SLC4A3: variants seen among roughly 807,000 people sequenced by gnomAD.
SLC4A3 encodes the protein anion exchange protein 3.
A neutral mutation model predicts 114.2 loss-of-function variants in SLC4A3; 47 were observed. The observed-to-expected ratio is 0.41, with a 90% CI of 0.33 to 0.52. The LOEUF is 0.52. Among genes scored for constraint, SLC4A3 ranks in the 20% least tolerant of loss-of-function variants. The probability of loss-of-function intolerance (pLI) is 0.21; values close to 1 mark genes in which losing one functional copy is unlikely to be tolerated. For synonymous variants in SLC4A3, 693 were observed against 710.3 expected (o/e 0.98, Z 0.39); for missense variants, 1,312 against 1,668.3 (o/e 0.79, Z 3.72).
Position 219,639,818 on chromosome 2 carries a change from A to G in SLC4A3, c.3277+83A>G. The G allele has an allele frequency of 5.9e-6, 9 of 1,531,214 alleles. No homozygotes were observed. The highest frequency in any genetic ancestry group is 7.9e-6 in the Non-Finnish European group (9 of 1,136,246). The allele number at this position is 1,531,214 out of a possible 1,614,324, so 94.9% of individuals were successfully genotyped here. A position where few individuals can be genotyped will look rare whatever the true frequency, so the allele number is the denominator to read the frequency against. ...TTCACTATCCCAGGCTTGACCCTGA[A>G]TCTCCCAATGTGCTGTGTGTTGCCC... On this transcript the variant is annotated intron_variant, in intron 20 of 22. Coordinates refer to ENST00000358055, the MANE Select transcript of SLC4A3 (RefSeq NM_005070.4). The surrounding 1 kb of genome is among the most constrained non-coding windows in gnomAD (Gnocchi z 5.9).
rs200923264 is a variant in SLC4A3, at chr2:219,629,320, G to A, written c.394G>A (p.Ala132Thr). 2.2e-5 allele frequency: 36 copies of A among 1,613,146 alleles called. No individual in the cohort carries two copies. In the East Asian group the frequency reaches 5.3e-4, roughly 24 times the overall value. Residue 132 changes from alanine (A) to threonine (T), a missense_variant, in exon 4 of 23, where the codon GCT (alanine) becomes ACT (threonine). Transcript: ENST00000358055. ...CCCTCCCATCCAGGAGGAGGGGGGA[G>A]CTGGAGTGGATGAGGAAGAGGAGGA... Reference protein sequence around the residue: ...GTPPIQEEGGAGVDEEEEEEE... With the variant: ...GTPPIQEEGGTGVDEEEEEEE...
In SLC4A3 at chr2:219,630,850, C is replaced by T. The variant is rs1559197975; in HGVS notation, c.811+498C>T. On this transcript the variant is annotated intron_variant, in intron 6 of 22. Transcript: ENST00000358055. The surrounding 1 kb of genome is among the most constrained non-coding windows in gnomAD (Gnocchi z 6.9). ...GTGCCCTGGTTTCTGTGCCACCTGTCATCACCCGTGGGGCTCTGTGCCCAG... is the reference window on the plus strand; with the variant it reads ...GTGCCCTGGTTTCTGTGCCACCTGTTATCACCCGTGGGGCTCTGTGCCCAG... Among the ~76,000 whole-genome samples, 3 of 152,228 alleles carry T rather than the reference C, an allele frequency of 2.0e-5. No homozygotes were observed. The highest frequency in any genetic ancestry group is 2.0e-4 in the Admixed American group (3 of 15,298).
In SLC4A3 at chr2:219,636,706, C is replaced by T. The variant is rs200425984; in HGVS notation, c.2367C>T (p.Tyr789=). 7.8e-5 allele frequency: 126 copies of T among 1,614,006 alleles called. No homozygotes were observed. The highest frequency in any genetic ancestry group is 6.8e-5 in the Non-Finnish European group (80 of 1,179,930). The part of the protein sequence containing the change: ...FKFCRAQDLE[Y]LTGRVWVGLW... ...TCTGCCGAGCCCAGGACCTGGAGTA[C>T]CTCACTGGCCGGGTGTGGGTTGGTC... The change falls in exon 16 of 23, where the codon TAC becomes TAT. Residue 789 remains tyrosine, a synonymous_variant. Coordinates refer to ENST00000358055, the MANE Select transcript of SLC4A3 (RefSeq NM_005070.4). This position sits in a 1 kb window ranked among gnomAD's most constrained non-coding sequence, Gnocchi z 5.5.
chr2:219,638,887 A>G lies in SLC4A3; in HGVS notation c.3023+18A>G, dbSNP rs371894684. ...ATCACGGCGTGAGAGAGATGGGAGG[A>G]GGAGGTGGGAGGGACGAGGCCAAGC... On this transcript the variant is annotated intron_variant, in intron 19 of 22. Transcript: ENST00000358055. The surrounding 1 kb of genome is among the most constrained non-coding windows in gnomAD (Gnocchi z 7.5). 1 of 1,610,748 alleles carries G rather than the reference A, an allele frequency of 6.2e-7. No homozygotes were observed. Among genetic ancestry groups the G allele is most frequent in the East Asian group, 2.2e-5 (1 of 44,870 alleles).
chr2:219,632,008 A>G lies in SLC4A3; in HGVS notation c.852A>G (p.Leu284=), dbSNP rs776121178. 4.3e-6 allele frequency: 7 copies of G among 1,612,926 alleles called. No homozygotes were observed. The Admixed American group carries it at 6.7e-5, about 15-fold the overall frequency. ...ACAACCCTGGTGTGCGGCGACACTT[A>G]GTGAAAAAGCCCTCCCGGACGCAGG... ...LEDNPGVRRH[L]VKKPSRTQGG... is the part of the protein sequence containing the mutation. Residue 284 remains leucine, a synonymous_variant, in exon 7 of 23, where the codon TTA becomes TTG. Transcript: ENST00000358055.
In SLC4A3 at chr2:219,635,603, G is replaced by C. The variant is rs913578016; in HGVS notation, c.1973-70G>C. 3 of 1,481,658 alleles carry C rather than the reference G, an allele frequency of 2.0e-6. No homozygotes were observed. In the African/African-American group the frequency reaches 4.2e-5, roughly 21 times the overall value. 91.8% of individuals were successfully genotyped at this position (1,481,658 alleles called of 1,614,324 possible). On this transcript the variant is annotated intron_variant, in intron 13 of 22. Transcript: ENST00000358055. ...GACTCCTGGAGTCCTTTGCATCCCTGATCCCAACAGCCCGGGGCCTCCGAG... is the reference window on the plus strand; with the variant it reads ...GACTCCTGGAGTCCTTTGCATCCCTCATCCCAACAGCCCGGGGCCTCCGAG...
Position 219,638,175 on chromosome 2 carries a change from C to T in SLC4A3, c.2778C>T (p.Ile926=), listed in dbSNP as rs1455394866. 6.2e-7 allele frequency: 1 copy of T among 1,611,818 alleles called. No homozygotes were observed. Among genetic ancestry groups the T allele is most frequent in the East Asian group, 2.2e-5 (1 of 44,864 alleles). The change falls in exon 18 of 23, where the codon ATC becomes ATT. Residue 926 remains isoleucine (I), a synonymous_variant. Coordinates refer to ENST00000358055, the MANE Select transcript of SLC4A3 (RefSeq NM_005070.4). This position sits in a 1 kb window ranked among gnomAD's most constrained non-coding sequence, Gnocchi z 7.5. ...TGGCCCCTCTCAAGGCTCGTCGCAT[C>T]ATCGGGGACTTTGGCATCCCCATCT... The part of the protein sequence containing the change: ...SRFLGGKARR[I]IGDFGIPISI...
At chr2:219,632,167 C>A in intron 7 of SLC4A3, 51 bp downstream of exon 7, 1 of 1,606,472 alleles carries the variant, frequency 6.2e-7, no homozygotes. Context: ...CCCTCGGCCC[C>A]GGAGCCCTCC....
Position 219,628,428 on chromosome 2 carries a change from C to A in SLC4A3, c.75C>A (p.Pro25=). The part of the protein sequence containing the change: ...LPQVRVPLEE[P]PLSPDVEEED... Reference sequence around the variant, plus strand: ...AGGTCCGGGTGCCCTTGGAGGAGCCCCCTCTAAGTCCAGACGTGGAGGAGG... The same window carrying A: ...AGGTCCGGGTGCCCTTGGAGGAGCCACCTCTAAGTCCAGACGTGGAGGAGG... The change falls in exon 3 of 23, where the codon CCC becomes CCA. Residue 25 remains proline, a synonymous_variant. Transcript: ENST00000358055. The surrounding 1 kb of genome is among the most constrained non-coding windows in gnomAD (Gnocchi z 4.8). The A allele has an allele frequency of 1.2e-6, 2 of 1,612,862 alleles. No individual in the cohort carries two copies. Among genetic ancestry groups the A allele is most frequent in the Non-Finnish European group, 8.5e-7 (1 of 1,179,620 alleles).
chr2:219,635,771 C>T lies in SLC4A3; in HGVS notation c.2071C>T (p.Arg691Cys), dbSNP rs143493980. 90 of 1,592,468 alleles carry T rather than the reference C, an allele frequency of 5.7e-5. No individual in the cohort carries two copies. Among genetic ancestry groups the T allele is most frequent in the Non-Finnish European group, 7.2e-5 (84 of 1,172,104 alleles). ...TGGGGGGCTTGTGCGGGATGTGAGG[C>T]GCCGGTACCCGCACTACCCCAGTGA... ...VFGGLVRDVR[R>C]RYPHYPSDLR... The change falls in exon 14 of 23, where the codon CGC becomes TGC. Residue 691 changes from arginine to cysteine, a missense_variant. Coordinates refer to ENST00000358055, the MANE Select transcript of SLC4A3 (RefSeq NM_005070.4).
In SLC4A3 at chr2:219,640,416, G is replaced by C; in HGVS notation, c.3278-14G>C. ...CTGTCTGAGGGTCAGGCGGGTCTGT[G>C]TCACCTCCTCCAGGCCTGTCCATCG... On this transcript the variant is annotated splice_polypyrimidine_tract_variant and intron_variant, in intron 20 of 22. Coordinates refer to ENST00000358055, the MANE Select transcript of SLC4A3 (RefSeq NM_005070.4). 6.2e-7 allele frequency: 1 copy of C among 1,607,868 alleles called. No individual in the cohort carries two copies.
chr2:219,634,625 C>T, intron 12 of SLC4A3, 21 bp downstream of exon 12: 2 of 1,611,178 alleles, frequency 1.2e-6, no homozygotes, highest in Non-Finnish European at 1.7e-6. Context: ...TGCTGGCTCT[C>T]AAGGCCTCTT....
At chr2:219,632,193 G>C (rs1430042870) in intron 7 of SLC4A3, 69 bp from the exon 8 acceptor site, 4 of 1,609,112 alleles carry the variant, frequency 2.5e-6, no homozygotes, top group Non-Finnish European at 3.4e-6. Flanking sequence ...TTGCCCCCCT[G>C]CCTTGCCCCA....
rs1057016697 is a variant in SLC4A3 at position 219,639,429 on chromosome 2, TCCCCTG to T, written c.3024-44_3024-39del. Reference sequence around the variant, plus strand: ...GTCTCTGTGTGCGTGCCTGTCTTTGTCCCCTGCCCCTGCCAGGCCAGCCACACCCCG... The same window carrying T: ...GTCTCTGTGTGCGTGCCTGTCTTTGTCCCCTGCCAGGCCAGCCACACCCCG... On this transcript the variant is annotated intron_variant, in intron 19 of 22. Transcript: ENST00000358055. The surrounding 1 kb of genome is among the most constrained non-coding windows in gnomAD (Gnocchi z 5.9). 22 of 1,586,176 alleles carry T rather than the reference TCCCCTG, an allele frequency of 1.4e-5. No homozygotes were observed. Among genetic ancestry groups the T allele is most frequent in the Non-Finnish European group, 1.7e-5 (20 of 1,167,540 alleles).
Position 219,636,327 on chromosome 2 carries a change from C to T in SLC4A3, c.2217C>T (p.Gly739=), listed in dbSNP as rs756103529. 29 of 1,613,642 alleles carry T rather than the reference C, an allele frequency of 1.8e-5. No homozygotes were observed. In the African/African-American group the frequency reaches 2.8e-4, roughly 16 times the overall value. ...LLGEKTEGLM[G]VSELIVSTAV... The stretch of plus-strand genomic sequence containing the variant: ...GAGAGAAGACCGAGGGGCTGATGGG[C>T]GTGTCCGAGCTGATCGTGTCCACCG... Residue 739 remains glycine (G), a synonymous_variant, in exon 15 of 23, where the codon GGC becomes GGT. Coordinates refer to ENST00000358055, the MANE Select transcript of SLC4A3 (RefSeq NM_005070.4). The surrounding 1 kb of genome is among the most constrained non-coding windows in gnomAD (Gnocchi z 5.5).
rs1699247185 is a variant in SLC4A3 at position 219,639,600 on chromosome 2, G to A, written c.3142G>A (p.Ala1048Thr). 6.2e-7 allele frequency: 1 copy of A among 1,613,992 alleles called. No homozygotes were observed. Among genetic ancestry groups the A allele is most frequent in the African/African-American group, 1.3e-5 (1 of 75,044 alleles). The change falls in exon 20 of 23, where the codon GCT becomes ACT. Residue 1048 changes from alanine to threonine, a missense_variant. This residue lies in a region of SLC4A3 where 301 missense variants were observed against 460.7 expected (regional missense o/e 0.65). Coordinates refer to ENST00000358055, the MANE Select transcript of SLC4A3 (RefSeq NM_005070.4). The surrounding 1 kb of genome is among the most constrained non-coding windows in gnomAD (Gnocchi z 5.9). The stretch of plus-strand genomic sequence containing the variant: ...GCTGTTTGGGTTGCCCTGGCTCACG[G>A]CTGCCACGGTCCGCTCCGTCACCCA... ...CGLFGLPWLT[A>T]ATVRSVTHVN...
Position 219,636,564 on chromosome 2 carries a change from G to A in SLC4A3, c.2340+114G>A. 2.7e-6 allele frequency: 4 copies of A among 1,475,950 alleles called. No individual in the cohort carries two copies. Among genetic ancestry groups the A allele is most frequent in the Non-Finnish European group, 3.6e-6 (4 of 1,097,276 alleles). 91.4% of individuals were successfully genotyped at this position (1,475,950 alleles called of 1,614,324 possible). A position where few individuals can be genotyped will look rare whatever the true frequency, so the allele number is the denominator to read the frequency against. ...CTGCCCCACACTCTTCCTTACCTAG[G>A]GGATGGGTCCCTGCATTCTCCCTCT... On this transcript the variant is annotated intron_variant, in intron 15 of 22. Coordinates refer to ENST00000358055, the MANE Select transcript of SLC4A3 (RefSeq NM_005070.4). The surrounding 1 kb of genome is among the most constrained non-coding windows in gnomAD (Gnocchi z 5.5).
Position 219,636,219 on chromosome 2 carries a change from G to T in SLC4A3, c.2192-83G>T. 1 of 1,554,494 alleles carries T rather than the reference G, an allele frequency of 6.4e-7. No individual in the cohort carries two copies. The highest frequency in any genetic ancestry group is 1.1e-5 in the South Asian group (1 of 88,816). On this transcript the variant is annotated intron_variant, in intron 14 of 22. Transcript: ENST00000358055. This position sits in a 1 kb window ranked among gnomAD's most constrained non-coding sequence, Gnocchi z 5.5. ...AAGGGGCTGCTCTGCTTTTGTTGGGGGCCCCAGTTTAGGACAAGCTAGATG... is the reference window on the plus strand; with the variant it reads ...AAGGGGCTGCTCTGCTTTTGTTGGGTGCCCCAGTTTAGGACAAGCTAGATG...
At position 219,628,748 on chromosome 2, in the gene SLC4A3, T is replaced by C; in HGVS notation, c.217+178T>C. ...CATCCTGCCTCCCCCACCCATCGCC[T>C]GTCCGCCTGCCTGGGGAGGTGGGCC... is the stretch of plus-strand genomic sequence containing the variant. On this transcript the variant is annotated intron_variant, in intron 3 of 22. Coordinates refer to ENST00000358055, the MANE Select transcript of SLC4A3 (RefSeq NM_005070.4). This position sits in a 1 kb window ranked among gnomAD's most constrained non-coding sequence, Gnocchi z 4.8. 1.4e-6 allele frequency: 1 copy of C among 705,044 alleles called. No individual in the cohort carries two copies. The highest frequency in any genetic ancestry group is 2.3e-6 in the Non-Finnish European group (1 of 434,156). The allele number at this position is 705,044 out of a possible 1,614,324, so 43.7% of individuals were successfully genotyped here. A position where few individuals can be genotyped will look rare whatever the true frequency, so the allele number is the denominator to read the frequency against.
Sources: gnomAD v4.1 joint callset for allele counts (sites outside exome capture counted in the v4.1 genomes callset) on GRCh38, gnomAD v4.1.1 for gene constraint, gnomAD v4.1.1 regional missense constraint, Gnocchi (gnomAD v3.1) non-coding constraint, MANE v1.5 for transcripts, NCBI Gene and HGNC (gene_info 2026-07-23, HGNC 2026-07-21) for gene names.